Variants in SOX6 observed in about 807,000 individuals in gnomAD.
SOX6 encodes transcription factor SOX-6.
SOX6 carries 11 observed loss-of-function variants against 97.8 expected under a neutral mutation model. The observed-to-expected ratio is 0.11, with a 90% CI of 0.07 to 0.19. The LOEUF is 0.19. Ranked by LOEUF, SOX6 falls within the 10% of genes least tolerant of loss-of-function variation. The pLI is 1.00. For synonymous variants in SOX6, 360 were observed against 371.4 expected (o/e 0.97, Z 0.35); for missense variants, 810 against 1,039.5 (o/e 0.78, Z 3.04).
At chr11:16,640,888 G>C (rs1223305990) in intron 3 of SOX6, among the ~76,000 whole-genome samples, 1 of 151,990 alleles carries the variant, frequency 6.6e-6, no homozygotes, top group Non-Finnish European at 1.5e-5. Context: ...TTTTTTAAGG[G>C]TTTTTTGTGT....
intron 3 of SOX6, among the ~76,000 whole-genome samples, chr11:16,679,176 T>A (rs1176350858): frequency 6.6e-6 from 1 of 152,200 alleles, no homozygotes; most frequent in Non-Finnish European, 1.5e-5. Flanking sequence ...CCCTGACCCC[T>A]GTGTAGCCTG....
intron 3 of SOX6, among the ~76,000 whole-genome samples, chr11:16,637,588 A>G (rs1220892201): frequency 1.3e-5 from 2 of 152,214 alleles, no homozygotes; most frequent in Admixed American, 6.5e-5. Context: ...TTAGATCCCA[A>G]AAACACTGGA....
At chr11:16,275,987 GATATA>G (rs781626296) in intron 3 of SOX6, among the ~76,000 whole-genome samples, 46 of 152,060 alleles carry the variant, frequency 3.0e-4, no homozygotes, top group Admixed American at 5.9e-4. Flanking sequence ...GATAGCACTT[GATATA>G]ATATGATGTA....
chr11:16,703,795 T>C (rs2134042916), intron 3 of SOX6, among the ~76,000 whole-genome samples: 1 of 152,296 alleles, frequency 6.6e-6, no homozygotes, highest in Non-Finnish European at 1.5e-5. Flanking sequence ...GTATTTCTCT[T>C]AATAGCACCA....
At chr11:16,255,259 G>T (rs898299212) in intron 3 of SOX6, among the ~76,000 whole-genome samples, 47 of 152,092 alleles carry the variant, frequency 3.1e-4, no homozygotes, top group African/African-American at 1.1e-3. Flanking sequence ...CAATCAACTA[G>T]ATGTAATTGA....
At chr11:16,076,735 A>ATTTTTTTTTTTTTTTTTT (rs1156737950) in intron 9 of SOX6, among the ~76,000 whole-genome samples, 1 of 94,134 alleles carries the variant, frequency 1.1e-5, no homozygotes, top group African/African-American at 5.1e-5. Context: ...GGTACTACAC[A>ATTTTTTTTTTTTTTTTTT]TTTTTTTTTT....
chr11:15,997,261 T>C (rs373254503), intron 13 of SOX6, among the ~76,000 whole-genome samples: 11 of 152,074 alleles, frequency 7.2e-5, no homozygotes, highest in East Asian at 1.9e-4. Flanking sequence ...ACAAAGAAAA[T>C]TGAAGCCCCG....
At chr11:16,045,616 G>A (rs1446712626) in intron 12 of SOX6, among the ~76,000 whole-genome samples, 5 of 152,082 alleles carry the variant, frequency 3.3e-5, no homozygotes, top group Admixed American at 2.0e-4. Context: ...TATGATCCCC[G>A]GCTGTGTCGT....
At chr11:16,018,949 T>C (rs1590133785) in intron 12 of SOX6, among the ~76,000 whole-genome samples, 1 of 152,286 alleles carries the variant, frequency 6.6e-6, no homozygotes, top group Non-Finnish European at 1.5e-5. Flanking sequence ...ATGATATTTA[T>C]ACCATCTTTA....
chr11:16,155,728 C>T (rs1168176517), intron 6 of SOX6, among the ~76,000 whole-genome samples: 1 of 152,032 alleles, frequency 6.6e-6, no homozygotes, highest in African/African-American at 2.4e-5. Context: ...GAACTAGTTC[C>T]AAAGTCTCTA....
At chr11:16,490,389 A>G (rs1248050513) in intron 4 of SOX6, among the ~76,000 whole-genome samples, 1 of 152,008 alleles carries the variant, frequency 6.6e-6, no homozygotes, top group African/African-American at 2.4e-5. Flanking sequence ...ATAATCATAT[A>G]TATATTTTAG....
chr11:16,114,772 C>T (rs1233344928), intron 6 of SOX6, among the ~76,000 whole-genome samples: 2 of 152,026 alleles, frequency 1.3e-5, no homozygotes, highest in Admixed American at 1.3e-4. Flanking sequence ...ATTTGGGGCT[C>T]TTTGGTGTTA....
intron 3 of SOX6, among the ~76,000 whole-genome samples, chr11:16,684,959 G>A (rs979582778): frequency 6.6e-6 from 1 of 151,990 alleles, no homozygotes; most frequent in Non-Finnish European, 1.5e-5. Context: ...TGGCGAGAAT[G>A]GGAGCAAGAG....
intron 4 of SOX6, among the ~76,000 whole-genome samples, chr11:16,205,579 G>A (rs946210430): frequency 6.6e-6 from 1 of 152,130 alleles, no homozygotes; most frequent in East Asian, 1.9e-4. Context: ...GAAATGCAGA[G>A]TTATGAAGAT....
At chr11:16,132,706 T>G (rs1347231289) in intron 6 of SOX6, among the ~76,000 whole-genome samples, 1 of 151,906 alleles carries the variant, frequency 6.6e-6, no homozygotes, top group African/African-American at 2.4e-5. Context: ...TTTTTTTTTT[T>G]TTTTGTTCCA....
At chr11:16,591,318 C>CATAGATAGATAGATAGACAGATAGACAG (rs557537916) in intron 4 of SOX6, among the ~76,000 whole-genome samples, 121 of 123,544 alleles carry the variant, frequency 9.8e-4, no homozygotes, top group Non-Finnish European at 1.3e-3. Context: ...TGGTTAGATA[C>CATAGATAGATAGATAGACAGATAGACAG]ATAGATAGAT....
At chr11:16,106,867 A>G (rs890284231) in intron 7 of SOX6, among the ~76,000 whole-genome samples, 18 of 152,068 alleles carry the variant, frequency 1.2e-4, no homozygotes, top group African/African-American at 4.3e-4. Context: ...TAATATCCAC[A>G]ATACACAAAT....
chr11:15,984,579 A>C (rs1853769190), intron 15 of SOX6, among the ~76,000 whole-genome samples: 1 of 152,254 alleles, frequency 6.6e-6, no homozygotes, highest in African/African-American at 2.4e-5. Context: ...TCTAATTATC[A>C]GCTGAATAGC....
chr11:16,123,104 G>T (rs966512438), intron 6 of SOX6, among the ~76,000 whole-genome samples: 1 of 151,998 alleles, frequency 6.6e-6, no homozygotes, highest in Non-Finnish European at 1.5e-5. Context: ...ATTTAGAGAT[G>T]CCTCTAAGCT....
Sources: gnomAD v4.1 joint callset for allele counts (sites outside exome capture counted in the v4.1 genomes callset) on GRCh38, gnomAD v4.1.1 for gene constraint, MANE v1.5 for transcripts, NCBI Gene and HGNC (gene_info 2026-07-23, HGNC 2026-07-21) for gene names.